The following G6PC2 variants were observed in gnomAD, a reference collection of about 807,000 sequenced individuals.
G6PC2 encodes the protein glucose-6-phosphatase 2.
In G6PC2, 41 loss-of-function variants were observed where a neutral mutation model predicts 35.4. The observed-to-expected ratio is 1.16, with a 90% CI of 0.90 to 1.50. The LOEUF is 1.50. Among genes scored for constraint, G6PC2 ranks in the 40% most tolerant of loss-of-function variants. G6PC2 has a pLI of 0.00. For synonymous variants in G6PC2, 165 were observed against 153.2 expected (o/e 1.08, Z -0.57); for missense variants, 441 against 426.5 (o/e 1.03, Z -0.30).
rs1690802880 is a variant in G6PC2 at position 168,909,470 on chromosome 2, A to G, written c.*1391A>G. ...CAAGGTCATGCTCCAACCCAGGCCA[A>G]CTATTAAATGCTTGCATCTGTTAGC... On this transcript the variant is annotated 3_prime_UTR_variant, in exon 5 of 5. Coordinates refer to ENST00000375363, the MANE Select transcript of G6PC2 (RefSeq NM_021176.3). 6.6e-6 allele frequency: 1 copy of G among 152,270 alleles called. No individual in the cohort carries two copies. The allele number at this position is 152,270 out of a possible 1,614,324, so 9.4% of individuals were successfully genotyped here.
At chr2:168,902,125 A>G (rs1321605654) in intron 1 of G6PC2, among the ~76,000 whole-genome samples, 2 of 152,242 alleles carry the variant, frequency 1.3e-5, no homozygotes, top group Admixed American at 1.3e-4. Flanking sequence ...GAGCAGCGTG[A>G]TAATGAACAA....
chr2:168,903,510 T>C lies in G6PC2; in HGVS notation c.328+956T>C, dbSNP rs144725380. On this transcript the variant is annotated intron_variant, in intron 2 of 4. Coordinates refer to ENST00000375363, the MANE Select transcript of G6PC2 (RefSeq NM_021176.3). ...CTTTGTGAAACCAAAGTGTGATAAA[T>C]GGATGAATGGTTGGATGGGTAACAT... Among the ~76,000 whole-genome samples the C allele has an allele frequency of 3.5e-4, 54 of 152,262 alleles. No individual in the cohort carries two copies. The East Asian group carries it at 7.1e-3, about 20-fold the overall frequency.
At chr2:168,907,198 T>C (rs1037017347) in intron 4 of G6PC2, among the ~76,000 whole-genome samples, 1 of 152,210 alleles carries the variant, frequency 6.6e-6, no homozygotes, top group African/African-American at 2.4e-5. Flanking sequence ...TTTGTATTCC[T>C]GAAGCAGTGT....
At chr2:168,904,135 G>A (rs1010032458) in intron 2 of G6PC2, among the ~76,000 whole-genome samples, 2 of 151,772 alleles carry the variant, frequency 1.3e-5, no homozygotes, top group African/African-American at 4.8e-5. Flanking sequence ...GGCAAAAACC[G>A]CAATTACTCT....
chr2:168,909,180 G>C lies in G6PC2; in HGVS notation c.*1101G>C, dbSNP rs188809661. On this transcript the variant is annotated 3_prime_UTR_variant, in exon 5 of 5. Transcript: ENST00000375363. ...ACCCCACACATACATGCAGGGTCTA[G>C]GTGGGACCAACAGTGGCTCCAGATG... 2.7e-4 allele frequency: 41 copies of C among 152,278 alleles called. No homozygotes were observed. Among genetic ancestry groups the C allele is most frequent in the African/African-American group, 9.9e-4 (41 of 41,536 alleles). 9.4% of individuals were successfully genotyped at this position (152,278 alleles called of 1,614,324 possible). A position where few individuals can be genotyped will look rare whatever the true frequency, so the allele number is the denominator to read the frequency against.
chr2:168,902,471 G>T lies in G6PC2; in HGVS notation c.245G>T (p.Trp82Leu). Residue 82 changes from tryptophan to leucine, a missense_variant, in exon 2 of 5, where the codon TGG (tryptophan) becomes TTG (leucine). Coordinates refer to ENST00000375363, the MANE Select transcript of G6PC2 (RefSeq NM_021176.3). Reference sequence around the variant, plus strand: ...ATATTATTTGGTCATCGACCTTACTGGTGGGTCCAAGAAACTCAGATTTAC... The same window carrying T: ...ATATTATTTGGTCATCGACCTTACTTGTGGGTCCAAGAAACTCAGATTTAC... ...KWILFGHRPY[W>L]WVQETQIYPN... 1 of 1,530,646 alleles carries T rather than the reference G, an allele frequency of 6.5e-7. No homozygotes were observed. The allele number at this position is 1,530,646 out of a possible 1,614,324, so 94.8% of individuals were successfully genotyped here.
At chr2:168,906,037 C>A (rs1690701148) in intron 3 of G6PC2, among the ~76,000 whole-genome samples, 2 of 139,652 alleles carry the variant, frequency 1.4e-5, no homozygotes, top group Admixed American at 7.8e-5. Context: ...AGTGTATAAC[C>A]TATAGGTCAA....
At position 168,906,786 on chromosome 2, in the gene G6PC2, A is replaced by T; in HGVS notation, c.556+7A>T. 1 of 1,232,290 alleles carries T rather than the reference A, an allele frequency of 8.1e-7. No homozygotes were observed. Among genetic ancestry groups the T allele is most frequent in the Non-Finnish European group, 1.2e-6 (1 of 830,886 alleles). The allele number at this position is 1,232,290 out of a possible 1,614,324, so 76.3% of individuals were successfully genotyped here. A position where few individuals can be genotyped will look rare whatever the true frequency, so the allele number is the denominator to read the frequency against. On this transcript the variant is annotated splice_region_variant and intron_variant, in intron 4 of 4. Transcript: ENST00000375363. ...ATTCTTGGAGTAATTGGTGGTAAAT[A>T]TGATCACTTACCTTTAGCTGTGTCC...
intron 2 of G6PC2, among the ~76,000 whole-genome samples, chr2:168,903,152 A>C (rs1200803376): frequency 3.3e-5 from 5 of 152,148 alleles, no homozygotes; most frequent in African/African-American, 1.2e-4. Context: ...CTTTATTGTG[A>C]TAGTTGATTC....
intron 2 of G6PC2, chr2:168,902,962 GGGA>G (rs948627360): frequency 7.1e-5 from 18 of 252,088 alleles, no homozygotes; most frequent in Middle Eastern, 1.4e-3. Context: ...TCACGAATGA[GGGA>G]GGAGTAGACA....
chr2:168,906,301 T>C (rs1690709913), intron 3 of G6PC2, among the ~76,000 whole-genome samples: 1 of 152,138 alleles, frequency 6.6e-6, no homozygotes, highest in Non-Finnish European at 1.5e-5. Flanking sequence ...AAAATATATA[T>C]GGTTCATTCT....
rs550705426 is a variant in G6PC2 at position 168,903,434 on chromosome 2, C to T, written c.328+880C>T. Reference sequence around the variant, plus strand: ...GATATTAACTAATTCTTTATATATCCGATTGCCTAGACTGGGTGTTCCATC... The same window carrying T: ...GATATTAACTAATTCTTTATATATCTGATTGCCTAGACTGGGTGTTCCATC... On this transcript the variant is annotated intron_variant, in intron 2 of 4. Transcript: ENST00000375363. Among the ~76,000 whole-genome samples the T allele has an allele frequency of 4.2e-3, 644 of 152,106 alleles. 8 individuals are homozygous for T. The highest frequency in any genetic ancestry group is 0.014 in the African/African-American group (598 of 41,476).
At position 168,902,542 on chromosome 2, in the gene G6PC2, G is replaced by A; in HGVS notation, c.316G>A (p.Glu106Lys). 6.9e-7 allele frequency: 1 copy of A among 1,448,772 alleles called. No homozygotes were observed. Among genetic ancestry groups the A allele is most frequent in the Non-Finnish European group, 9.7e-7 (1 of 1,029,092 alleles). The allele number at this position is 1,448,772 out of a possible 1,614,324, so 89.7% of individuals were successfully genotyped here. A position where few individuals can be genotyped will look rare whatever the true frequency, so the allele number is the denominator to read the frequency against. The change falls in exon 2 of 5, where the codon GAA (glutamate) becomes AAA (lysine). Residue 106 changes from glutamate to lysine, a missense_variant. Glu to Lys is a moderately conservative substitution (Grantham distance 56). Coordinates refer to ENST00000375363, the MANE Select transcript of G6PC2 (RefSeq NM_021176.3). The stretch of plus-strand genomic sequence containing the variant: ...CCTTGAACAGTTCCCTACTACATGT[G>A]AAACAGGTCCAGGTAAGCTATTACA... ...PCLEQFPTTC[E>K]TGPGSPSGHA...
Position 168,907,845 on chromosome 2 carries a change from C to T in G6PC2, c.834C>T (p.Phe278=). 1 of 1,613,968 alleles carries T rather than the reference C, an allele frequency of 6.2e-7. No individual in the cohort carries two copies. The highest frequency in any genetic ancestry group is 2.2e-5 in the East Asian group (1 of 44,874). Residue 278 remains phenylalanine (F), a synonymous_variant, in exon 5 of 5, where the codon TTC becomes TTT. Transcript: ENST00000375363. The stretch of plus-strand genomic sequence containing the variant: ...GCTTTGCAATCAACTCAGAGATGTT[C>T]CTCCTGAGCTGCCGAGGGGGAAATA... ...GLGFAINSEM[F]LLSCRGGNNY...
Position 168,908,156 on chromosome 2 carries a change from G to C in G6PC2, c.*77G>C, listed in dbSNP as rs1392293133. 1.0e-5 allele frequency: 12 copies of C among 1,196,292 alleles called. No individual in the cohort carries two copies. The highest frequency in any genetic ancestry group is 2.4e-5 in the South Asian group (2 of 82,674). The allele number at this position is 1,196,292 out of a possible 1,614,324, so 74.1% of individuals were successfully genotyped here. ...CCAGTAGAGCCACAGAGTAGGCACAGACCAGAGGCTTCTAATCCGACTTCA... is the reference window on the plus strand; with the variant it reads ...CCAGTAGAGCCACAGAGTAGGCACACACCAGAGGCTTCTAATCCGACTTCA... On this transcript the variant is annotated 3_prime_UTR_variant, in exon 5 of 5. Coordinates refer to ENST00000375363, the MANE Select transcript of G6PC2 (RefSeq NM_021176.3).
rs141216504 is a variant in G6PC2, at chr2:168,907,708, C to T, written c.697C>T (p.Leu233=). The change falls in exon 5 of 5, where the codon CTG becomes TTG. Residue 233 remains leucine (L), a synonymous_variant. Coordinates refer to ENST00000375363, the MANE Select transcript of G6PC2 (RefSeq NM_021176.3). ...LLLRVLNIDL[L]WSVPIAKKWC... ...TCTTAGGGTGCTCAACATTGACCTG[C>T]TGTGGTCCGTGCCCATAGCCAAAAA... 1.1e-5 allele frequency: 18 copies of T among 1,614,038 alleles called. No homozygotes were observed. The African/African-American group carries it at 2.0e-4, about 18-fold the overall frequency.
chr2:168,909,582 A>T lies in G6PC2; in HGVS notation c.*1503A>T, dbSNP rs1690805916. On this transcript the variant is annotated 3_prime_UTR_variant, in exon 5 of 5. Coordinates refer to ENST00000375363, the MANE Select transcript of G6PC2 (RefSeq NM_021176.3). ...ATTGTTGATGGACTATTAATATTAT[A>T]TTAACAATTTCTCAGTAAGTGTGTT... is the stretch of plus-strand genomic sequence containing the variant. The T allele has an allele frequency of 6.6e-6, 1 of 152,118 alleles. No individual in the cohort carries two copies. The highest frequency in any genetic ancestry group is 2.1e-4 in the South Asian group (1 of 4,826). The allele number at this position is 152,118 out of a possible 1,614,324, so 9.4% of individuals were successfully genotyped here. A position where few individuals can be genotyped will look rare whatever the true frequency, so the allele number is the denominator to read the frequency against.
Position 168,901,439 on chromosome 2 carries a change from GA to G in G6PC2, c.110del (p.Asn37IlefsTer21). On this transcript the variant is annotated frameshift_variant, in exon 1 of 5. Coordinates refer to ENST00000375363, the MANE Select transcript of G6PC2 (RefSeq NM_021176.3). LOFTEE classifies it high-confidence loss of function. ...NFMSNVGDPR[N>X]IFFIYFPLCF... ...TTATGTCCAATGTTGGAGACCCCAG[GA>G]ATATCTTTTTCATTTATTTTCCACT... 1 of 1,594,530 alleles carries G rather than the reference GA, an allele frequency of 6.3e-7. No homozygotes were observed. The highest frequency in any genetic ancestry group is 8.6e-7 in the Non-Finnish European group (1 of 1,162,154).
Position 168,906,707 on chromosome 2 carries a change from A to G in G6PC2, c.484A>G (p.Ile162Val). The G allele has an allele frequency of 6.2e-7, 1 of 1,607,498 alleles. No individual in the cohort carries two copies. Among genetic ancestry groups the G allele is most frequent in the East Asian group, 2.2e-5 (1 of 44,820 alleles). The change falls in exon 4 of 5, where the codon ATC becomes GTC. Residue 162 changes from isoleucine (I) to valine (V), a missense_variant. Physicochemically the swap from Ile to Val is conservative, Grantham distance 29. Coordinates refer to ENST00000375363, the MANE Select transcript of G6PC2 (RefSeq NM_021176.3). ...FLWSVFWLIQ[I>V]SVCISRVFIA... is the part of the protein sequence containing the mutation. ...TTGGAGTGTTTTTTGGTTGATTCAA[A>G]TCAGTGTCTGCATCTCCAGAGTATT...
Sources: gnomAD v4.1 joint callset for allele counts (sites outside exome capture counted in the v4.1 genomes callset) on GRCh38, gnomAD v4.1.1 for gene constraint, MANE v1.5 for transcripts, NCBI Gene and HGNC (gene_info 2026-07-23, HGNC 2026-07-21) for gene names.